Variants in NAV3 observed in about 807,000 individuals in gnomAD.
The protein encoded by NAV3 is neuron navigator 3.
Under a neutral mutation model 244.7 loss-of-function variants are expected in NAV3, and 87 were observed. That is an observed-to-expected ratio of 0.36 (90% CI 0.30 to 0.42). The LOEUF (loss-of-function observed/expected upper bound fraction) is 0.42, where lower values mean the gene tolerates loss of function less well. Ranked by LOEUF, NAV3 falls within the 20% of genes least tolerant of loss-of-function variation. The probability of loss-of-function intolerance (pLI) is 1.00; values close to 1 mark genes in which losing one functional copy is unlikely to be tolerated. For synonymous variants in NAV3, 1,126 were observed against 1,042.2 expected, an observed-to-expected ratio of 1.08 and a Z score of -1.55; for missense variants, 2,663 against 2,893.3, an observed-to-expected ratio of 0.92 and a Z score of 1.83.
intron 2 of NAV3, among the ~76,000 whole-genome samples, chr12:77,586,755 C>T (rs1869633997): frequency 6.6e-6 from 1 of 152,216 alleles, no homozygotes; most frequent in African/African-American, 2.4e-5. Context: ...TTCAGTTCTT[C>T]AGTTGCACTA....
At chr12:78,135,597 A>G (rs1231442733) in intron 18 of NAV3, among the ~76,000 whole-genome samples, 4 of 152,006 alleles carry the variant, frequency 2.6e-5, no homozygotes, top group South Asian at 2.1e-4. Flanking sequence ...AATTTGTTTA[A>G]TACTTCATTA....
intron 2 of NAV3, among the ~76,000 whole-genome samples, chr12:77,670,508 T>C (rs1461650496): frequency 6.6e-6 from 1 of 151,830 alleles, no homozygotes; most frequent in Non-Finnish European, 1.5e-5. Context: ...AAACCAATAT[T>C]CCCTATGAAC....
At chr12:77,572,130 G>C (rs559786573) in exon 2 of NAV3, 1 of 154,310 alleles carries the variant, frequency 6.5e-6, no homozygotes. Flanking sequence ...CCTAGAAATT[G>C]CATCTTGGAT....
intron 2 of NAV3, among the ~76,000 whole-genome samples, chr12:77,768,297 G>T (rs969358874): frequency 4.6e-5 from 7 of 152,198 alleles, no homozygotes; most frequent in Admixed American, 6.5e-5. Context: ...GCTGTCCCTG[G>T]CTTGAAGGTG....
chr12:78,133,547 A>G (rs1956251654), intron 18 of NAV3, among the ~76,000 whole-genome samples: 2 of 151,738 alleles, frequency 1.3e-5, no homozygotes. Flanking sequence ...TGTTTTCTTT[A>G]TTCTTTCTAC....
chr12:78,188,493 A>G (rs1485299947), intron 32 of NAV3, 116 bp from the exon 33 acceptor site: 6 of 1,190,458 alleles, frequency 5.0e-6, no homozygotes, highest in Non-Finnish European at 5.9e-6. Context: ...AACAGTTCTT[A>G]TATTACCCAT....
intron 2 of NAV3, among the ~76,000 whole-genome samples, chr12:77,602,401 A>G (rs779895166): frequency 1.3e-5 from 2 of 152,028 alleles, no homozygotes; most frequent in Non-Finnish European, 2.9e-5. Flanking sequence ...TAGATATATT[A>G]AATTTGAAGT....
intron 24 of NAV3, 30 bp downstream of exon 24, chr12:78,168,896 CAATAT>C (rs749691749): frequency 1.4e-6 from 2 of 1,461,028 alleles, no homozygotes; most frequent in Non-Finnish European, 1.9e-6. Context: ...CATTTCCACC[CAATAT>C]AATAGACATC....
chr12:77,881,557 A>G (rs894359613), intron 1 of NAV3, among the ~76,000 whole-genome samples: 1 of 152,148 alleles, frequency 6.6e-6, no homozygotes. Flanking sequence ...CCTATTCAGC[A>G]TATTATTGGA....
chr12:78,065,090 G>A (rs998989648), intron 12 of NAV3, among the ~76,000 whole-genome samples: 4 of 152,048 alleles, frequency 2.6e-5, no homozygotes, highest in African/African-American at 9.7e-5. Flanking sequence ...AGAGAGTGAA[G>A]ATTGCACTCA....
At chr12:77,943,264 T>C (rs975809327) in intron 3 of NAV3, among the ~76,000 whole-genome samples, 1 of 152,182 alleles carries the variant, frequency 6.6e-6, no homozygotes, top group African/African-American at 2.4e-5. Context: ...ATGCAAGTTA[T>C]GTTGATATTT....
intron 11 of NAV3, among the ~76,000 whole-genome samples, chr12:78,056,695 C>A (rs1883561287): frequency 6.6e-6 from 1 of 152,102 alleles, no homozygotes; most frequent in South Asian, 2.1e-4. Flanking sequence ...CACCACTGCA[C>A]CCCAGCCTGG....
At chr12:78,081,270 G>T (rs1417346030) in intron 12 of NAV3, among the ~76,000 whole-genome samples, 1 of 152,096 alleles carries the variant, frequency 6.6e-6, no homozygotes, top group Non-Finnish European at 1.5e-5. Flanking sequence ...ATCTCTGTTG[G>T]TCAGAGTCAA....
At chr12:78,177,710 T>C (rs958836) in intron 28 of NAV3, 25 bp downstream of exon 28, 380,117 of 1,590,770 alleles carry the variant, frequency 0.24, 45,944 homozygotes, top group African/African-American at 0.26. Flanking sequence ...GATGCATGAA[T>C]ACTGCAAAGA....
At chr12:77,753,341 T>C (rs1565799193) in intron 2 of NAV3, among the ~76,000 whole-genome samples, 1 of 152,200 alleles carries the variant, frequency 6.6e-6, no homozygotes, top group Non-Finnish European at 1.5e-5. Context: ...TGACTGTGTT[T>C]TTCACAGTAA....
chr12:77,718,440 G>T (rs1401264853), intron 2 of NAV3, among the ~76,000 whole-genome samples: 1 of 152,010 alleles, frequency 6.6e-6, no homozygotes, highest in Non-Finnish European at 1.5e-5. Flanking sequence ...TTATATACTG[G>T]TCCTTATGTC....
At chr12:77,985,112 A>G (rs1870258299) in intron 5 of NAV3, among the ~76,000 whole-genome samples, 2 of 152,204 alleles carry the variant, frequency 1.3e-5, no homozygotes, top group South Asian at 4.1e-4. Flanking sequence ...CACCGCGCCC[A>G]GCCTATACTT....
chr12:77,773,084 A>T (rs1179476765), intron 2 of NAV3, among the ~76,000 whole-genome samples: 1 of 152,196 alleles, frequency 6.6e-6, no homozygotes, highest in African/African-American at 2.4e-5. Flanking sequence ...CTACAAGAAC[A>T]TCCAGTAACA....
chr12:77,973,020 C>T (rs955906444), intron 5 of NAV3, among the ~76,000 whole-genome samples: 1 of 152,018 alleles, frequency 6.6e-6, no homozygotes, highest in Admixed American at 6.5e-5. Context: ...CTTAATTTTT[C>T]TTATGTACTG....
Sources: gnomAD v4.1 joint callset for allele counts (sites outside exome capture counted in the v4.1 genomes callset) on GRCh38, gnomAD v4.1.1 for gene constraint, MANE v1.5 for transcripts, NCBI Gene and HGNC (gene_info 2026-07-23, HGNC 2026-07-21) for gene names.